Variants in PRDM16 observed in about 807,000 individuals in gnomAD.
The protein encoded by PRDM16 is PR/SET domain 16.
PRDM16 carries 23 observed loss-of-function variants against 110.6 expected under a neutral mutation model. The ratio of observed to expected loss-of-function variants is 0.21; its 90% CI spans 0.15 to 0.29. The LOEUF (loss-of-function observed/expected upper bound fraction) is 0.29. Ranked by LOEUF, PRDM16 falls within the 10% of genes least tolerant of loss-of-function variation. PRDM16 has a pLI of 1.00. For synonymous variants in PRDM16, 799 were observed against 781.8 expected (o/e 1.02, Z -0.37); for missense variants, 1,615 against 1,794.3 (o/e 0.90, Z 1.81).
chr1:3,121,149 G>T (rs569858281), intron 1 of PRDM16, among the ~76,000 whole-genome samples: 1 of 152,164 alleles, frequency 6.6e-6, no homozygotes, highest in Non-Finnish European at 1.5e-5. Context: ...CAGCTTGCCC[G>T]TCACGGAGCC....
chr1:3,416,950 A>G (rs527478973), intron 10 of PRDM16, among the ~76,000 whole-genome samples: 25 of 152,304 alleles, frequency 1.6e-4, no homozygotes, highest in African/African-American at 5.8e-4. Context: ...TCAGCTCCAA[A>G]TCTTCAAAGA....
At chr1:3,303,727 G>A (rs991989065) in intron 3 of PRDM16, among the ~76,000 whole-genome samples, 2 of 152,250 alleles carry the variant, frequency 1.3e-5, no homozygotes, top group African/African-American at 4.8e-5. Context: ...ACGCCCGCCT[G>A]TCTTTCGGAC....
At chr1:3,343,495 T>C (rs1642308622) in intron 3 of PRDM16, among the ~76,000 whole-genome samples, 1 of 144,060 alleles carries the variant, frequency 6.9e-6, no homozygotes. Context: ...GTTTAGTGCT[T>C]TGTTCAGACT....
At chr1:3,387,457 T>C (rs996770505) in intron 4 of PRDM16, among the ~76,000 whole-genome samples, 1 of 152,148 alleles carries the variant, frequency 6.6e-6, no homozygotes, top group Non-Finnish European at 1.5e-5. Flanking sequence ...ATTCCTCCAC[T>C]CGGGGCACTT....
At chr1:3,113,127 CCAG>C (rs1642833330) in intron 1 of PRDM16, among the ~76,000 whole-genome samples, 2 of 152,202 alleles carry the variant, frequency 1.3e-5, no homozygotes, top group East Asian at 3.9e-4. Context: ...CTGTGTGGCT[CCAG>C]CAGATCTGAG....
chr1:3,159,804 C>T (rs1445955583), intron 1 of PRDM16, among the ~76,000 whole-genome samples: 2 of 152,144 alleles, frequency 1.3e-5, no homozygotes, highest in East Asian at 3.9e-4. Flanking sequence ...AGAGGGACCA[C>T]GAGAGGCACT....
chr1:3,069,226 A>AAGG lies in PRDM16; in HGVS notation c.-25_-23dup. ...ATAGTGTGTGGCTGCTTCTGGACTC[A>AAGG]AGGAGGAGGAGAGAGATTCCGCGAG... On this transcript the variant is annotated 5_prime_UTR_variant, in exon 1 of 17. Coordinates refer to ENST00000270722, the MANE Select transcript of PRDM16 (RefSeq NM_022114.4). The surrounding 1 kb of genome is among the most constrained non-coding windows in gnomAD (Gnocchi z 6.1). 1 of 1,573,532 alleles carries AAGG rather than the reference A, an allele frequency of 6.4e-7. No individual in the cohort carries two copies. Among genetic ancestry groups the AAGG allele is most frequent in the East Asian group, 2.4e-5 (1 of 41,040 alleles).
intron 1 of PRDM16, among the ~76,000 whole-genome samples, chr1:3,102,757 C>A (rs1642561483): frequency 6.6e-6 from 1 of 152,298 alleles, no homozygotes; most frequent in South Asian, 2.1e-4. Flanking sequence ...AGCAAAACAG[C>A]CTGCCCACTG....
chr1:3,131,912 A>G (rs574751184), intron 1 of PRDM16, among the ~76,000 whole-genome samples: 1 of 152,198 alleles, frequency 6.6e-6, no homozygotes, highest in Non-Finnish European at 1.5e-5. Context: ...AGCCTGTTAA[A>G]TTAGCCCCAT....
At position 3,333,327 on chromosome 1, in the gene PRDM16, C is replaced by A. The variant is rs112035357; in HGVS notation, c.439-51825C>A. Among the ~76,000 whole-genome samples, 629 of 152,220 alleles carry A rather than the reference C, an allele frequency of 4.1e-3. 14 individuals are homozygous for A. Among genetic ancestry groups the A allele is most frequent in the African/African-American group, 0.014 (600 of 41,542 alleles). On this transcript the variant is annotated intron_variant, in intron 3 of 16. Transcript: ENST00000270722. ...GGGGTCTGGCTCAGAAAGCACAGGG[C>A]CTTGTGTGCTGGAGAAGGGGCCACT...
rs1642217674 is a variant in PRDM16 at position 3,339,036 on chromosome 1, C to G, written c.439-46116C>G. On this transcript the variant is annotated intron_variant, in intron 3 of 16. Transcript: ENST00000270722. The surrounding 1 kb of genome is among the most constrained non-coding windows in gnomAD (Gnocchi z 5.0). ...CAGGCCAAGGAGAGGCAGTTTGGAG[C>G]CCTGCTGCTGTCTGGGGAGAGTTGC... 6.6e-6 allele frequency among the ~76,000 whole-genome samples: 1 copy of G among 152,152 alleles called. No homozygotes were observed. The highest frequency in any genetic ancestry group is 2.4e-5 in the African/African-American group (1 of 41,438).
rs1383137153 is a variant in PRDM16 at position 3,412,376 on chromosome 1, T to G, written c.2179T>G (p.Phe727Val). The change falls in exon 9 of 17, where the codon TTC becomes GTC. Residue 727 changes from phenylalanine (F) to valine (V), a missense_variant. Phe to Val is a conservative substitution (Grantham distance 50, BLOSUM62 -1). Around this residue, in one of 5 missense-constraint regions of PRDM16, gnomAD observed 772 missense variants for 748.3 expected, o/e 1.03. Transcript: ENST00000270722. ...GSLPYHSAFP[F>V]QFLPNFPHSL... The stretch of plus-strand genomic sequence containing the variant: ...GCTCCCCTACCACTCGGCGTTCCCC[T>G]TCCAGTTCCTGCCCAACTTCCCCCA... 35 of 1,613,360 alleles carry G rather than the reference T, an allele frequency of 2.2e-5. No individual in the cohort carries two copies. In the Admixed American group the frequency reaches 5.7e-4, roughly 26 times the overall value.
intron 1 of PRDM16, among the ~76,000 whole-genome samples, chr1:3,185,561 A>G (rs953033155): frequency 5.3e-5 from 8 of 152,044 alleles, no homozygotes; most frequent in Non-Finnish European, 8.8e-5. Context: ...TCCAGGCTGC[A>G]GCCCAAGTGC....
Position 3,213,452 on chromosome 1 carries a change from T to G in PRDM16, c.387+26978T>G, listed in dbSNP as rs12072073. 6.6e-6 allele frequency among the ~76,000 whole-genome samples: 1 copy of G among 151,982 alleles called. No individual in the cohort carries two copies. Among genetic ancestry groups the G allele is most frequent in the Non-Finnish European group, 1.5e-5 (1 of 67,986 alleles). On this transcript the variant is annotated intron_variant, in intron 2 of 16. Coordinates refer to ENST00000270722, the MANE Select transcript of PRDM16 (RefSeq NM_022114.4). This position sits in a 1 kb window ranked among gnomAD's most constrained non-coding sequence, Gnocchi z 5.3. Reference sequence around the variant, plus strand: ...ATTGGGAGGACTGTAATTTTCCACTTAGGCTTGTCACCAATCGGGCAGTCA... The same window carrying G: ...ATTGGGAGGACTGTAATTTTCCACTGAGGCTTGTCACCAATCGGGCAGTCA...
intron 1 of PRDM16, among the ~76,000 whole-genome samples, chr1:3,145,933 C>T (rs1342827882): frequency 2.0e-5 from 3 of 152,320 alleles, no homozygotes; most frequent in Non-Finnish European, 2.9e-5. Context: ...GGTCCCCCGG[C>T]GCCCCCCGGG....
intron 8 of PRDM16, among the ~76,000 whole-genome samples, chr1:3,411,143 G>A (rs1341311919): frequency 3.9e-5 from 6 of 152,094 alleles, no homozygotes; most frequent in Admixed American, 6.5e-5. Context: ...GCCCAGACAC[G>A]GACACTTACG....
intron 3 of PRDM16, among the ~76,000 whole-genome samples, chr1:3,373,145 G>A (rs1642933586): frequency 6.6e-6 from 1 of 152,204 alleles, no homozygotes. Flanking sequence ...TCTCCTCAGA[G>A]CTGGGGTTTC....
intron 2 of PRDM16, among the ~76,000 whole-genome samples, chr1:3,191,941 G>A (rs1231990916): frequency 6.6e-6 from 1 of 152,206 alleles, no homozygotes; most frequent in African/African-American, 2.4e-5. Context: ...AGGGCCCCAA[G>A]TGCTGAGACC....
At chr1:3,295,662 G>A (rs1261159332) in intron 3 of PRDM16, among the ~76,000 whole-genome samples, 1 of 152,210 alleles carries the variant, frequency 6.6e-6, no homozygotes, top group Non-Finnish European at 1.5e-5. Context: ...TCTGAGGCCT[G>A]CACACCACGC....
Sources: allele counts gnomAD v4.1 joint callset (sites outside exome capture counted in the v4.1 genomes callset), GRCh38; gene constraint gnomAD v4.1.1; regional missense constraint gnomAD v4.1.1; non-coding constraint Gnocchi (gnomAD v3.1); transcripts MANE v1.5; gene names NCBI Gene and HGNC (gene_info 2026-07-23, HGNC 2026-07-21).